IST1: variants seen among roughly 807,000 people sequenced by gnomAD.
The protein encoded by IST1 is IST1 factor associated with ESCRT-III, also known as IST1 homolog.
A neutral mutation model predicts 37.0 loss-of-function variants in IST1; 23 were observed. The ratio of observed to expected loss-of-function variants is 0.62; its 90% CI spans 0.45 to 0.88. The LOEUF (loss-of-function observed/expected upper bound fraction) is 0.88. Ranked by LOEUF, IST1 falls within the 40% of genes least tolerant of loss-of-function variation. The pLI is 0.00. For missense variants in IST1, 488 were observed against 445.4 expected, an observed-to-expected ratio of 1.10 and a Z score of -0.86; for synonymous variants, 180 against 161.7, an observed-to-expected ratio of 1.11 and a Z score of -0.86.
At chr16:71,917,296 C>T (rs558820331) in intron 4 of IST1, among the ~76,000 whole-genome samples, 162 bp downstream of exon 4, 26 of 150,308 alleles carry the variant, frequency 1.7e-4, no homozygotes, top group South Asian at 1.0e-3. Context: ...AGCCTTATAT[C>T]GTAGAATAGA....
chr16:71,921,019 C>G lies in IST1; in HGVS notation c.441+197C>G, dbSNP rs552347053. The G allele has an allele frequency of 3.8e-4, 239 of 630,366 alleles. 1 individual carries two copies. Among genetic ancestry groups the G allele is most frequent in the East Asian group, 5.0e-4 (18 of 36,036 alleles). 39.0% of individuals were successfully genotyped at this position (630,366 alleles called of 1,614,324 possible). A position where few individuals can be genotyped will look rare whatever the true frequency, so the allele number is the denominator to read the frequency against. ...CCCAATTCCTCTGGTTACTGTCATT[C>G]CTGACTCCACTTCCCCACTTTGTAT... On this transcript the variant is annotated intron_variant, in intron 5 of 9. Coordinates refer to ENST00000378799, the MANE Select transcript of IST1 (RefSeq NM_001270975.2).
chr16:71,904,904 A>G (rs1307855987), intron 1 of IST1, among the ~76,000 whole-genome samples: 1 of 151,568 alleles, frequency 6.6e-6, no homozygotes, highest in African/African-American at 2.4e-5. Context: ...TGAATGTTTG[A>G]GTTTAGGTCT....
chr16:71,896,429 A>C (rs1007847489), intron 1 of IST1, among the ~76,000 whole-genome samples: 4 of 151,920 alleles, frequency 2.6e-5, no homozygotes, highest in Admixed American at 1.3e-4. Context: ...TATTATGGAA[A>C]ATTTCAAGCA....
intron 1 of IST1, among the ~76,000 whole-genome samples, chr16:71,911,269 T>C (rs999828157): frequency 3.3e-5 from 5 of 151,550 alleles, no homozygotes; most frequent in African/African-American, 9.7e-5. Context: ...TAACACATCT[T>C]GGAGCTCCTC....
chr16:71,929,792 C>A lies in IST1; in HGVS notation c.*1979C>A. Reference sequence around the variant, plus strand: ...ATTAGTAAATGTAAAGATACTATTTCTTTAATAATTTGCAGTCAGGCATTG... The same window carrying A: ...ATTAGTAAATGTAAAGATACTATTTATTTAATAATTTGCAGTCAGGCATTG... On this transcript the variant is annotated 3_prime_UTR_variant, in exon 10 of 10. Transcript: ENST00000378799. The A allele has an allele frequency of 8.7e-7, 1 of 1,145,556 alleles. No homozygotes were observed. The highest frequency in any genetic ancestry group is 1.7e-5 in the South Asian group (1 of 58,928). 71.0% of individuals were successfully genotyped at this position (1,145,556 alleles called of 1,614,324 possible).
chr16:71,913,623 C>T (rs2037405900), intron 1 of IST1, among the ~76,000 whole-genome samples: 1 of 152,118 alleles, frequency 6.6e-6, no homozygotes, highest in African/African-American at 2.4e-5. Context: ...GGCTCAGCCT[C>T]CCGAGTAGCT....
chr16:71,898,370 GAA>G (rs57871135), intron 1 of IST1, among the ~76,000 whole-genome samples: 2 of 100,842 alleles, frequency 2.0e-5, no homozygotes, highest in Non-Finnish European at 3.8e-5. Flanking sequence ...CTCTCTCTCA[GAA>G]AAAAAAAAAA....
chr16:71,896,144 G>A (rs1345096040), intron 1 of IST1, among the ~76,000 whole-genome samples: 2 of 152,174 alleles, frequency 1.3e-5, no homozygotes, highest in Non-Finnish European at 2.9e-5. Context: ...GAAGTAAGGA[G>A]CGGCCTCTGC....
chr16:71,896,126 C>T (rs1293368845), intron 1 of IST1, among the ~76,000 whole-genome samples: 2 of 152,284 alleles, frequency 1.3e-5, no homozygotes, highest in South Asian at 2.1e-4. Flanking sequence ...ATTACAATTT[C>T]TTTCGCTGAA....
intron 1 of IST1, among the ~76,000 whole-genome samples, chr16:71,909,701 A>G (rs1170939312): frequency 2.0e-5 from 3 of 152,194 alleles, no homozygotes; most frequent in Non-Finnish European, 4.4e-5. Flanking sequence ...CTTTGTTAAC[A>G]TGTTCACTTC....
intron 1 of IST1, among the ~76,000 whole-genome samples, chr16:71,912,488 C>T (rs1303927766): frequency 2.6e-5 from 4 of 152,184 alleles, no homozygotes; most frequent in African/African-American, 7.2e-5. Flanking sequence ...CTGCCCACCT[C>T]GGCCTCCCAA....
intron 1 of IST1, among the ~76,000 whole-genome samples, chr16:71,907,968 C>T (rs1481563065): frequency 2.0e-5 from 3 of 151,782 alleles, no homozygotes; most frequent in Non-Finnish European, 2.9e-5. Flanking sequence ...TTTTTTGAGA[C>T]GGAGTCTCGC....
upstream of IST1, chr16:71,895,463 G>A (rs535468829): frequency 1.0e-6 from 1 of 954,422 alleles, no homozygotes; most frequent in African/African-American, 1.8e-5. Flanking sequence ...TGGAAAGGAG[G>A]GCGTGGCTAT....
intron 9 of IST1, among the ~76,000 whole-genome samples, chr16:71,927,364 C>T (rs2037768876): frequency 6.6e-6 from 1 of 151,960 alleles, no homozygotes; most frequent in Admixed American, 6.6e-5. Flanking sequence ...TGGCATGCGC[C>T]TGTAATCCCA....
intron 5 of IST1, 104 bp from the exon 6 acceptor site, chr16:71,921,239 C>A: frequency 1.4e-6 from 1 of 713,338 alleles, no homozygotes; most frequent in Non-Finnish European, 2.5e-6. Flanking sequence ...CTTTTTTTCC[C>A]TCAATATTAC....
intron 1 of IST1, among the ~76,000 whole-genome samples, chr16:71,899,187 T>A (rs1009839040): frequency 6.6e-5 from 10 of 152,194 alleles, no homozygotes; most frequent in East Asian, 1.9e-4. Flanking sequence ...AGTTTTTTTT[T>A]TAAATTAATT....
intron 4 of IST1, among the ~76,000 whole-genome samples, chr16:71,918,686 G>A (rs1353286756): frequency 6.6e-6 from 1 of 152,124 alleles, no homozygotes; most frequent in Non-Finnish European, 1.5e-5. Flanking sequence ...AAAGTGTTGG[G>A]ATTACAGGCG....
chr16:71,923,841 A>AT (rs1298093817), intron 8 of IST1, among the ~76,000 whole-genome samples: 1 of 152,198 alleles, frequency 6.6e-6, no homozygotes, highest in Non-Finnish European at 1.5e-5. Context: ...TTGATTTCAC[A>AT]TTTTAGTATT....
chr16:71,904,035 A>G (rs1363109096), intron 1 of IST1, among the ~76,000 whole-genome samples: 2 of 152,018 alleles, frequency 1.3e-5, no homozygotes, highest in Non-Finnish European at 2.9e-5. Context: ...ATGCTTATGT[A>G]ATGTCCTTCT....
Sources: allele counts gnomAD v4.1 joint callset (sites outside exome capture counted in the v4.1 genomes callset), GRCh38; gene constraint gnomAD v4.1.1; transcripts MANE v1.5; gene names NCBI Gene and HGNC (gene_info 2026-07-23, HGNC 2026-07-21).